The following CDH13 variants were observed in gnomAD, a reference collection of about 807,000 sequenced individuals.
The protein encoded by CDH13 is cadherin-13.
In CDH13, 24 loss-of-function variants were observed where a neutral mutation model predicts 63.8. The observed-to-expected ratio is 0.38, with a 90% CI of 0.27 to 0.53. The LOEUF (loss-of-function observed/expected upper bound fraction) is 0.53, where lower values mean the gene tolerates loss of function less well. Among genes scored for constraint, CDH13 ranks in the 20% least tolerant of loss-of-function variants. The probability of loss-of-function intolerance (pLI) is 0.85; values close to 1 mark genes in which losing one functional copy is unlikely to be tolerated. For missense variants in CDH13, 1,049 were observed against 903.1 expected (o/e 1.16, Z -2.07); for synonymous variants, 503 against 355.3 (o/e 1.42, Z -4.67).
intron 6 of CDH13, among the ~76,000 whole-genome samples, chr16:83,423,893 G>A (rs544819949): frequency 2.3e-4 from 35 of 152,280 alleles, no homozygotes; most frequent in South Asian, 8.3e-4. Context: ...ATTTCCCTCC[G>A]TCCTATGGCA....
At chr16:83,469,719 A>T (rs1400039609) in intron 6 of CDH13, among the ~76,000 whole-genome samples, 1 of 152,214 alleles carries the variant, frequency 6.6e-6, no homozygotes, top group Non-Finnish European at 1.5e-5. Context: ...GGCCTGCCAC[A>T]AAATAGGCCC....
At chr16:83,714,567 G>A (rs948000712) in intron 10 of CDH13, among the ~76,000 whole-genome samples, 3 of 152,276 alleles carry the variant, frequency 2.0e-5, no homozygotes, top group African/African-American at 7.2e-5. Flanking sequence ...TAAAGCTAAA[G>A]ACTTTTACCT....
At chr16:83,452,592 C>T (rs1379114599) in intron 6 of CDH13, among the ~76,000 whole-genome samples, 2 of 151,938 alleles carry the variant, frequency 1.3e-5, no homozygotes, top group Non-Finnish European at 2.9e-5. Flanking sequence ...TCCTGCCCAG[C>T]AATTCTTGTA....
chr16:82,646,164 G>A (rs1020408957), intron 1 of CDH13: 1 of 152,196 alleles, frequency 6.6e-6, no homozygotes, highest in African/African-American at 2.4e-5. Flanking sequence ...TGCAAGCTTT[G>A]AATAATTTTT....
chr16:82,751,300 A>C (rs1391844420), intron 1 of CDH13, among the ~76,000 whole-genome samples: 1 of 152,166 alleles, frequency 6.6e-6, no homozygotes, highest in Non-Finnish European at 1.5e-5. Flanking sequence ...CTACCCTGAA[A>C]TTCTTAATAG....
At chr16:83,331,762 T>C (rs865889693) in intron 5 of CDH13, among the ~76,000 whole-genome samples, 13 of 152,250 alleles carry the variant, frequency 8.5e-5, no homozygotes, top group African/African-American at 2.9e-4. Context: ...ACATGCATAC[T>C]ATACCATTAG....
intron 1 of CDH13, among the ~76,000 whole-genome samples, chr16:82,701,192 A>G (rs891765355): frequency 6.6e-6 from 1 of 151,930 alleles, no homozygotes; most frequent in African/African-American, 2.4e-5. Context: ...TAGCTGTTAA[A>G]TCCTGTTGAT....
chr16:82,875,983 C>T (rs955086386), intron 2 of CDH13, among the ~76,000 whole-genome samples: 2 of 152,290 alleles, frequency 1.3e-5, no homozygotes, highest in Middle Eastern at 3.4e-3. Flanking sequence ...GAGCAAGTTA[C>T]GTCTTACATG....
At chr16:82,850,360 A>G (rs80353063) in intron 1 of CDH13, among the ~76,000 whole-genome samples, 199 of 152,342 alleles carry the variant, frequency 1.3e-3, no homozygotes, top group African/African-American at 4.7e-3. Context: ...CAAGAGAACT[A>G]GAATTAGAAG....
At chr16:82,973,956 A>G (rs1419005355) in intron 2 of CDH13, among the ~76,000 whole-genome samples, 1 of 151,926 alleles carries the variant, frequency 6.6e-6, no homozygotes, top group Non-Finnish European at 1.5e-5. Context: ...AGAGTTACCC[A>G]CTGTTGTCCA....
intron 4 of CDH13, among the ~76,000 whole-genome samples, chr16:83,199,773 T>C (rs1467254583): frequency 2.0e-5 from 3 of 152,152 alleles, no homozygotes; most frequent in Non-Finnish European, 4.4e-5. Context: ...CATTCTGTCC[T>C]CCCGAGGACC....
chr16:83,014,190 C>T (rs1206662074), intron 2 of CDH13, among the ~76,000 whole-genome samples: 1 of 152,002 alleles, frequency 6.6e-6, no homozygotes, highest in Non-Finnish European at 1.5e-5. Flanking sequence ...CAATCTCTAA[C>T]CTTCCCATTC....
intron 5 of CDH13, among the ~76,000 whole-genome samples, chr16:83,296,628 T>TACAC (rs371789458): frequency 6.6e-6 from 1 of 151,470 alleles, no homozygotes; most frequent in Non-Finnish European, 1.5e-5. Context: ...ACAACACAAG[T>TACAC]ACACACACAC....
intron 1 of CDH13, among the ~76,000 whole-genome samples, chr16:82,724,845 G>A (rs531064408): frequency 5.9e-5 from 9 of 152,242 alleles, no homozygotes; most frequent in African/African-American, 1.9e-4. Flanking sequence ...CAGACTGATC[G>A]TACACCCTCA....
rs527827425 is a variant in CDH13 at position 83,089,660 on chromosome 16, T to C, written c.367-35725T>C. Among the ~76,000 whole-genome samples, 8 of 152,260 alleles carry C rather than the reference T, an allele frequency of 5.3e-5. No homozygotes were observed. The South Asian group carries it at 1.7e-3, about 32-fold the overall frequency. On this transcript the variant is annotated intron_variant, in intron 3 of 13. Coordinates refer to ENST00000567109, the MANE Select transcript of CDH13 (RefSeq NM_001257.5). ...AGCACTCTTGGTTTCTAGAACCTGA[T>C]ATAGATGAGGGATGTAATGAATTCG... is the stretch of plus-strand genomic sequence containing the variant.
chr16:83,075,106 T>C (rs532234874), intron 3 of CDH13, among the ~76,000 whole-genome samples: 12 of 152,196 alleles, frequency 7.9e-5, no homozygotes, highest in Non-Finnish European at 1.8e-4. Flanking sequence ...GGGATGTTTC[T>C]CACTGTCTCT....
At chr16:83,371,858 A>G (rs377348103) in intron 6 of CDH13, among the ~76,000 whole-genome samples, 1 of 152,230 alleles carries the variant, frequency 6.6e-6, no homozygotes, top group East Asian at 1.9e-4. Flanking sequence ...CAGAAAGGCT[A>G]TGAAGATTAG....
chr16:83,576,272 C>T (rs962706764), intron 7 of CDH13, among the ~76,000 whole-genome samples: 5 of 152,184 alleles, frequency 3.3e-5, no homozygotes, highest in Admixed American at 1.3e-4. Flanking sequence ...GTGACATTTT[C>T]GTGTCTGGAG....
At chr16:83,723,207 T>G (rs151202209) in intron 10 of CDH13, among the ~76,000 whole-genome samples, 3 of 152,358 alleles carry the variant, frequency 2.0e-5, no homozygotes, top group Non-Finnish European at 4.4e-5. Context: ...TATCTGGGCT[T>G]GATAAGCTAC....
Sources: allele counts gnomAD v4.1 joint callset (sites outside exome capture counted in the v4.1 genomes callset), GRCh38; gene constraint gnomAD v4.1.1; transcripts MANE v1.5; gene names NCBI Gene and HGNC (gene_info 2026-07-23, HGNC 2026-07-21).